The following ATF3 variants were observed in gnomAD, a reference collection of about 807,000 sequenced individuals.
ATF3 encodes cyclic AMP-dependent transcription factor ATF-3.
In ATF3, 10 loss-of-function variants were observed where a neutral mutation model predicts 18.4. The observed-to-expected ratio is 0.54, with a 90% CI of 0.34 to 0.92. The LOEUF (loss-of-function observed/expected upper bound fraction) is 0.92, where lower values mean the gene tolerates loss of function less well. Ranked by LOEUF, ATF3 falls within the 40% of genes least tolerant of loss-of-function variation. ATF3 has a pLI of 0.02. For missense variants in ATF3, 183 were observed against 222.3 expected, an observed-to-expected ratio of 0.82 and a Z score of 1.12; for synonymous variants, 78 against 87.9, an observed-to-expected ratio of 0.89 and a Z score of 0.63.
At chr1:212,585,387 G>A (rs996870200) in intron 1 of ATF3, among the ~76,000 whole-genome samples, 1 of 152,158 alleles carries the variant, frequency 6.6e-6, no homozygotes, top group Non-Finnish European at 1.5e-5. Flanking sequence ...GACCTTGGCT[G>A]GTGCTGTTGC....
Position 212,584,310 on chromosome 1 carries a change from T to G in ATF3, c.-5+18827T>G, listed in dbSNP as rs112538041. On this transcript the variant is annotated intron_variant, in intron 1 of 3. Coordinates refer to the ATF3 transcript ENST00000366981. ...CTCCAGGGAAACAAAACCAATAAGA[T>G]GCATGTGTATAAGAGATTTATTGTA... 9.0e-3 allele frequency among the ~76,000 whole-genome samples: 1,373 copies of G among 152,158 alleles called. 21 individuals carry two copies. Among genetic ancestry groups the G allele is most frequent in the African/African-American group, 0.032 (1,335 of 41,484 alleles).
At chr1:212,571,662 G>C (rs998189698) in intron 1 of ATF3, among the ~76,000 whole-genome samples, 1 of 150,506 alleles carries the variant, frequency 6.6e-6, no homozygotes, top group Admixed American at 6.6e-5. Flanking sequence ...CACCCACCTT[G>C]GCCTCCCAAA....
intron 1 of ATF3, among the ~76,000 whole-genome samples, chr1:212,569,586 C>T (rs1335194184): frequency 6.6e-6 from 1 of 151,870 alleles, no homozygotes; most frequent in Non-Finnish European, 1.5e-5. Context: ...TGTAATAGAA[C>T]CAGTAAATTT....
chr1:212,591,119 T>C (rs551531416), intron 1 of ATF3, among the ~76,000 whole-genome samples: 2 of 152,322 alleles, frequency 1.3e-5, no homozygotes, highest in Admixed American at 1.3e-4. Flanking sequence ...TCTGGAGAGA[T>C]ACATACTCCT....
intron 1 of ATF3, among the ~76,000 whole-genome samples, chr1:212,566,380 C>T (rs1664383452): frequency 6.6e-6 from 1 of 152,138 alleles, no homozygotes; most frequent in Admixed American, 6.5e-5. Flanking sequence ...TGGACAAGGA[C>T]ACCCCTTCTC....
chr1:212,599,343 G>T (rs1367932677), intron 1 of ATF3, among the ~76,000 whole-genome samples: 1 of 152,140 alleles, frequency 6.6e-6, no homozygotes, highest in Non-Finnish European at 1.5e-5. Flanking sequence ...GGCTTTTCCT[G>T]GTTCTTGAGG....
At chr1:212,583,305 G>A (rs1397040334) in intron 1 of ATF3, among the ~76,000 whole-genome samples, 1 of 152,024 alleles carries the variant, frequency 6.6e-6, no homozygotes, top group African/African-American at 2.4e-5. Context: ...TGCTCATAGT[G>A]CACTACACTC....
intron 1 of ATF3, among the ~76,000 whole-genome samples, chr1:212,601,223 C>T (rs369807111): frequency 1.3e-5 from 2 of 152,150 alleles, no homozygotes; most frequent in East Asian, 1.9e-4. Flanking sequence ...CAGTCAATAA[C>T]AGGGCTTATG....
In ATF3 at chr1:212,619,569, G is replaced by A; in HGVS notation, c.*14G>A. Reference sequence around the variant, plus strand: ...TTGCAGAGCTAAGCAGTCGTGGTATGGGGGCGACTGGGGAGTCCTCATTGA... The same window carrying A: ...TTGCAGAGCTAAGCAGTCGTGGTATAGGGGCGACTGGGGAGTCCTCATTGA... On this transcript the variant is annotated 3_prime_UTR_variant, in exon 4 of 4. Transcript: ENST00000341491. This position sits in a 1 kb window ranked among gnomAD's most constrained non-coding sequence, Gnocchi z 4.4. The A allele has an allele frequency of 1.9e-6, 3 of 1,613,508 alleles. No individual in the cohort carries two copies. Among genetic ancestry groups the A allele is most frequent in the South Asian group, 2.2e-5 (2 of 90,936 alleles).
intron 1 of ATF3, among the ~76,000 whole-genome samples, chr1:212,613,059 A>G (rs1419189295): frequency 1.3e-5 from 2 of 152,236 alleles, no homozygotes; most frequent in Non-Finnish European, 2.9e-5. Context: ...TACAATGATA[A>G]CACATAATGG....
chr1:212,615,672 A>T (rs1353942264), intron 2 of ATF3, among the ~76,000 whole-genome samples: 1 of 151,744 alleles, frequency 6.6e-6, no homozygotes, highest in Non-Finnish European at 1.5e-5. Context: ...GCAAGGTGGT[A>T]CATGGCCTAT....
At chr1:212,566,088 G>GAGGA (rs1664377385) in intron 1 of ATF3, among the ~76,000 whole-genome samples, 1 of 152,208 alleles carries the variant, frequency 6.6e-6, no homozygotes, top group Non-Finnish European at 1.5e-5. Flanking sequence ...AGTCCAGAGT[G>GAGGA]AGGAAGTAAA....
chr1:212,617,948 T>TGTGTGTGTGTGC (rs1655201416), intron 2 of ATF3, among the ~76,000 whole-genome samples, 179 bp from the exon 3 acceptor site: 1 of 13,030 alleles, frequency 7.7e-5, no homozygotes, highest in Non-Finnish European at 2.7e-4. Flanking sequence ...TGTGTGTGCG[T>TGTGTGTGTGTGC]GTGTGTGTGT....
chr1:212,588,636 C>A (rs12405307), intron 1 of ATF3, among the ~76,000 whole-genome samples: 107,373 of 151,738 alleles, frequency 0.71, 39,074 homozygotes, highest in African/African-American at 0.84. Flanking sequence ...AAACAACAAC[C>A]ACAACAACAA....
At chr1:212,571,468 T>C (rs1664479495) in intron 1 of ATF3, among the ~76,000 whole-genome samples, 1 of 151,990 alleles carries the variant, frequency 6.6e-6, no homozygotes. Context: ...AGTGCAGTGG[T>C]GCGATCTCAG....
Position 212,575,238 on chromosome 1 carries a change from A to G in ATF3, c.-5+9755A>G, listed in dbSNP as rs139470562. Among the ~76,000 whole-genome samples the G allele has an allele frequency of 6.6e-5, 10 of 152,046 alleles. No homozygotes were observed. The East Asian group carries it at 1.9e-3, about 29-fold the overall frequency. On this transcript the variant is annotated intron_variant, in intron 1 of 3. Transcript: ENST00000366981. ...GTATTTTATTCAATAATACTTTCAT[A>G]GTTTTCTTCTTTGAGGTCTTTCATA...
chr1:212,586,656 A>G (rs1664784645), intron 1 of ATF3, among the ~76,000 whole-genome samples: 2 of 152,386 alleles, frequency 1.3e-5, no homozygotes, highest in African/African-American at 4.8e-5. Context: ...CCATGCCTCA[A>G]GAGTGACAGC....
intron 1 of ATF3, among the ~76,000 whole-genome samples, chr1:212,569,933 C>G (rs1410599704): frequency 6.6e-6 from 1 of 152,138 alleles, no homozygotes; most frequent in East Asian, 1.9e-4. Flanking sequence ...GAATCATAGT[C>G]TTTGATATAT....
intron 1 of ATF3, among the ~76,000 whole-genome samples, chr1:212,601,836 T>C (rs1427838520): frequency 6.6e-6 from 1 of 152,192 alleles, no homozygotes; most frequent in Non-Finnish European, 1.5e-5. Context: ...GGTTTCCATA[T>C]GACTTGGTAG....
Sources: allele counts gnomAD v4.1 joint callset (sites outside exome capture counted in the v4.1 genomes callset), GRCh38; gene constraint gnomAD v4.1.1; non-coding constraint Gnocchi (gnomAD v3.1); transcripts MANE v1.5; gene names NCBI Gene and HGNC (gene_info 2026-07-23, HGNC 2026-07-21).